Variants in ZNF569 observed in about 807,000 individuals in gnomAD.
ZNF569 encodes the protein zinc finger protein 569.
Under a neutral mutation model 56.3 loss-of-function variants are expected in ZNF569, and 38 were observed. The observed-to-expected ratio is 0.68, with a 90% CI of 0.52 to 0.88. ZNF569 has a LOEUF of 0.88. ZNF569 is among the 40% of genes least tolerant of loss of function. ZNF569 has a pLI of 0.00. For synonymous variants in ZNF569, 241 were observed against 262.9 expected (o/e 0.92, Z 0.81); for missense variants, 666 against 809.2 (o/e 0.82, Z 2.15).
intron 2 of ZNF569, among the ~76,000 whole-genome samples, chr19:37,449,291 C>T (rs2146951383): frequency 6.6e-6 from 1 of 152,266 alleles, no homozygotes; most frequent in East Asian, 1.9e-4. Flanking sequence ...ATGTATTCTG[C>T]TGTTGTTTAG....
intron 3 of ZNF569, among the ~76,000 whole-genome samples, chr19:37,427,574 T>C (rs937565545): frequency 6.6e-6 from 1 of 152,178 alleles, no homozygotes; most frequent in African/African-American, 2.4e-5. Flanking sequence ...TCACAATGTA[T>C]CTAAGAATTT....
Position 37,444,834 on chromosome 19 carries a change from T to C in ZNF569, c.15+73A>G, listed in dbSNP as rs192435336. ...GTATACAGACCTTTATAATTTACTGTATGAATTACTGCAATCCCCTTAAAT... is the reference window on the plus strand; with the variant it reads ...GTATACAGACCTTTATAATTTACTGCATGAATTACTGCAATCCCCTTAAAT... On this transcript the variant is annotated intron_variant, in intron 3 of 5. Transcript: ENST00000316950. 7 of 1,191,424 alleles carry C rather than the reference T, an allele frequency of 5.9e-6. No homozygotes were observed. In the East Asian group the frequency reaches 1.7e-4, roughly 29 times the overall value. 73.8% of individuals were successfully genotyped at this position (1,191,424 alleles called of 1,614,324 possible). A position where few individuals can be genotyped will look rare whatever the true frequency, so the allele number is the denominator to read the frequency against.
chr19:37,460,635 G>A (rs946274735), intron 2 of ZNF569, among the ~76,000 whole-genome samples: 2 of 152,042 alleles, frequency 1.3e-5, no homozygotes, highest in Admixed American at 6.5e-5. Context: ...TGCACCTGTA[G>A]TCCAAGCTAT....
chr19:37,424,069 C>T (rs1017357907), intron 5 of ZNF569, among the ~76,000 whole-genome samples: 2 of 151,962 alleles, frequency 1.3e-5, no homozygotes, highest in African/African-American at 4.8e-5. Flanking sequence ...ACAAATATAT[C>T]AGAAAATGGG....
intron 5 of ZNF569, among the ~76,000 whole-genome samples, chr19:37,417,946 C>A (rs2040962072): frequency 6.6e-6 from 1 of 151,800 alleles, no homozygotes; most frequent in South Asian, 2.1e-4. Flanking sequence ...ACTAAAAATA[C>A]AAAAATTAGC....
At chr19:37,460,060 A>G (rs1426170657) in intron 2 of ZNF569, among the ~76,000 whole-genome samples, 1 of 152,208 alleles carries the variant, frequency 6.6e-6, no homozygotes, top group African/African-American at 2.4e-5. Flanking sequence ...ACAAAGAAAT[A>G]AAAAAATTTT....
At chr19:37,468,699 G>A (rs2041895326), upstream of ZNF569, among the ~76,000 whole-genome samples, 2 of 152,182 alleles carry the variant, frequency 1.3e-5, no homozygotes, top group South Asian at 4.1e-4. Context: ...GTAGAGACGG[G>A]GTTTCACCAT....
chr19:37,450,293 G>A (rs190541577), intron 2 of ZNF569, among the ~76,000 whole-genome samples: 246 of 152,316 alleles, frequency 1.6e-3, no homozygotes, highest in Non-Finnish European at 3.1e-3. Flanking sequence ...TCTTCCATTA[G>A]GAGGTTTTTG....
At chr19:37,425,620 C>A in intron 5 of ZNF569, 1 of 266,824 alleles carries the variant, frequency 3.7e-6, no homozygotes, top group South Asian at 7.0e-5. Context: ...TGTGCCAGGC[C>A]CAATTTTTCT....
At chr19:37,424,976 A>G (rs374226920) in intron 5 of ZNF569, among the ~76,000 whole-genome samples, 1 of 151,440 alleles carries the variant, frequency 6.6e-6, no homozygotes, top group Non-Finnish European at 1.5e-5. Flanking sequence ...AAAAATTAGC[A>G]GGGTGTGGTG....
chr19:37,455,686 C>A (rs915525064), intron 2 of ZNF569, among the ~76,000 whole-genome samples: 3 of 152,254 alleles, frequency 2.0e-5, no homozygotes, highest in East Asian at 1.9e-4. Context: ...TTTTCTCCCC[C>A]ACCCCCAACT....
At chr19:37,461,854 T>G (rs906843004) in intron 2 of ZNF569, among the ~76,000 whole-genome samples, 1 of 152,162 alleles carries the variant, frequency 6.6e-6, no homozygotes, top group African/African-American at 2.4e-5. Flanking sequence ...ACATTCTGGT[T>G]AAATCCAAAT....
intron 2 of ZNF569, among the ~76,000 whole-genome samples, chr19:37,463,924 C>T (rs1378929001): frequency 6.6e-6 from 1 of 151,912 alleles, no homozygotes; most frequent in Admixed American, 6.6e-5. Flanking sequence ...TTTTATACAG[C>T]TGTACAATAT....
Position 37,413,929 on chromosome 19 carries a change from T to C in ZNF569, c.729A>G (p.Lys243=), listed in dbSNP as rs763585892. The C allele has an allele frequency of 1.2e-5, 19 of 1,613,336 alleles. No homozygotes were observed. In the South Asian group the frequency reaches 2.1e-4, roughly 18 times the overall value. The change falls in exon 6 of 6, where the codon AAA becomes AAG. Residue 243 remains lysine, a synonymous_variant. Coordinates refer to ENST00000316950, the MANE Select transcript of ZNF569 (RefSeq NM_152484.3). Reference sequence around the variant, plus strand: ...TGAAAGCTTTACCACATTCATTACATTTGTAAGACTGCTCCCTACTGTGAA... The same window carrying C: ...TGAAAGCTTTACCACATTCATTACACTTGTAAGACTGCTCCCTACTGTGAA... ...YKIHSREQSY[K]CNECGKAFIK...
At chr19:37,418,261 T>C (rs995668085) in intron 5 of ZNF569, among the ~76,000 whole-genome samples, 8 of 151,862 alleles carry the variant, frequency 5.3e-5, no homozygotes, top group African/African-American at 1.9e-4. Flanking sequence ...GATGACGGAA[T>C]TGGAACATAA....
chr19:37,422,704 C>T (rs1275605973), intron 5 of ZNF569, among the ~76,000 whole-genome samples: 1 of 152,050 alleles, frequency 6.6e-6, no homozygotes, highest in Non-Finnish European at 1.5e-5. Context: ...TAAAATTTTA[C>T]CAGCAGAACC....
chr19:37,435,386 A>G (rs1386295121), intron 3 of ZNF569, among the ~76,000 whole-genome samples: 1 of 152,194 alleles, frequency 6.6e-6, no homozygotes, highest in Non-Finnish European at 1.5e-5. Context: ...CTTCCCAAAA[A>G]GGAAGACAGG....
chr19:37,442,964 G>T (rs1222069033), intron 3 of ZNF569, among the ~76,000 whole-genome samples: 1 of 152,236 alleles, frequency 6.6e-6, no homozygotes, highest in Non-Finnish European at 1.5e-5. Flanking sequence ...TTTCTTCACT[G>T]AGTGTGTGCG....
At chr19:37,434,103 C>T (rs1378544386) in intron 3 of ZNF569, among the ~76,000 whole-genome samples, 1 of 151,890 alleles carries the variant, frequency 6.6e-6, no homozygotes, top group African/African-American at 2.4e-5. Context: ...CAGATGAGAC[C>T]ATTCTGGCCA....
Sources: allele counts gnomAD v4.1 joint callset (sites outside exome capture counted in the v4.1 genomes callset), GRCh38; gene constraint gnomAD v4.1.1; transcripts MANE v1.5; gene names NCBI Gene and HGNC (gene_info 2026-07-23, HGNC 2026-07-21).